Variants in SAMD9 observed in about 807,000 individuals in gnomAD.
SAMD9 encodes sterile alpha motif domain containing 9.
SAMD9 carries 3 observed loss-of-function variants against 1.5 expected under a neutral mutation model. The observed-to-expected ratio is 2.05, with a 90% CI of 0.93 to 5.29. SAMD9 has a LOEUF of 5.29. Among genes scored for constraint, SAMD9 ranks in the 30% most tolerant of loss-of-function variants. SAMD9 has a pLI of 0.02. For missense variants in SAMD9, 1,597 were observed against 1,820.8 expected, an observed-to-expected ratio of 0.88 and a Z score of 2.24; for synonymous variants, 635 against 631.9, an observed-to-expected ratio of 1.00 and a Z score of -0.07.
Position 93,106,022 on chromosome 7 carries a change from G to A in SAMD9, c.76C>T (p.His26Tyr), listed in dbSNP as rs1791638613. Residue 26 changes from histidine to tyrosine, a missense_variant, in exon 3 of 3, where the codon CAT becomes TAT. Physicochemically the swap from His to Tyr is moderately conservative, Grantham distance 83. This residue lies in a region of SAMD9 where 498 missense variants were observed against 457.4 expected (regional missense o/e 1.09). Transcript: ENST00000379958. ...TCCCTGTGTTTTTGGTCAATCTTAT[G>A]ACTTTCTAACCACTGATTTACATCC... ...KEDVNQWLESHKIDQKHREIL... is the reference protein window; with the variant it reads ...KEDVNQWLESYKIDQKHREIL... 2 of 1,594,610 alleles carry A rather than the reference G, an allele frequency of 1.3e-6. No homozygotes were observed. The highest frequency in any genetic ancestry group is 8.5e-7 in the Non-Finnish European group (1 of 1,173,834).
In SAMD9 at chr7:93,101,970, G is replaced by A. The variant is rs192527782; in HGVS notation, c.4128C>T (p.Cys1376=). Reference sequence around the variant, plus strand: ...TTTCTTTTGACTGGATTTTGACAGTGCATTGTTCTAAGAGAAAAGTATATT... The same window carrying A: ...TTTCTTTTGACTGGATTTTGACAGTACATTGTTCTAAGAGAAAAGTATATT... ...VNEYTFLLEQ[C]TVKIQSKEKL... Residue 1376 remains cysteine (C), a synonymous_variant, in exon 3 of 3, where the codon TGC becomes TGT. Coordinates refer to ENST00000379958, the MANE Select transcript of SAMD9 (RefSeq NM_017654.4). The A allele has an allele frequency of 1.7e-5, 27 of 1,613,792 alleles. No homozygotes were observed. The Admixed American group carries it at 3.3e-4, about 20-fold the overall frequency.
At chr7:93,116,097 T>C (rs953616801) in intron 1 of SAMD9, among the ~76,000 whole-genome samples, 12 of 152,184 alleles carry the variant, frequency 7.9e-5, no homozygotes, top group African/African-American at 2.9e-4. Flanking sequence ...CTCATACCTA[T>C]GGCTCTCATC....
chr7:93,115,515 C>T (rs1288548166), intron 1 of SAMD9, among the ~76,000 whole-genome samples: 1 of 152,076 alleles, frequency 6.6e-6, no homozygotes, highest in Non-Finnish European at 1.5e-5. Context: ...TCATAGAAGT[C>T]AGACTGATGT....
chr7:93,112,449 T>C (rs953257407), intron 2 of SAMD9, among the ~76,000 whole-genome samples: 4 of 152,218 alleles, frequency 2.6e-5, no homozygotes, highest in African/African-American at 9.7e-5. Flanking sequence ...TTGGAAGTTC[T>C]GGCCAGGGCA....
chr7:93,105,803 G>A lies in SAMD9; in HGVS notation c.295C>T (p.Gln99Ter). 1 of 1,614,048 alleles carries A rather than the reference G, an allele frequency of 6.2e-7. No individual in the cohort carries two copies. Among genetic ancestry groups the A allele is most frequent in the Non-Finnish European group, 8.5e-7 (1 of 1,180,000 alleles). ...CTACGTTCCTTTTGAGACACAGTTTGGTCTTTAGGAGCATTTTTACTGGGC... is the reference window on the plus strand; with the variant it reads ...CTACGTTCCTTTTGAGACACAGTTTAGTCTTTAGGAGCATTTTTACTGGGC... ...GKPSKNAPKD[Q>*]TVSQKERRET... Residue 99 changes from glutamine (Q) to a stop codon, truncating the protein, a stop_gained, in exon 3 of 3, where the codon CAA becomes TAA. Coordinates refer to ENST00000379958, the MANE Select transcript of SAMD9 (RefSeq NM_017654.4). LOFTEE classifies it low-confidence loss of function (END_TRUNC).
Position 93,102,912 on chromosome 7 carries a change from T to C in SAMD9, c.3186A>G (p.Glu1062=), listed in dbSNP as rs765948233. ...ATACAGCTTCAACTGCTTCATTTCC[T>C]TCATCTTTATGTAATGCTTCAATAA... ...SPFIEALHKD[E]GNEAVEAVLL... The change falls in exon 3 of 3, where the codon GAA becomes GAG. Residue 1062 remains glutamate, a synonymous_variant. Coordinates refer to ENST00000379958, the MANE Select transcript of SAMD9 (RefSeq NM_017654.4). 1 of 1,613,906 alleles carries C rather than the reference T, an allele frequency of 6.2e-7. No homozygotes were observed. Among genetic ancestry groups the C allele is most frequent in the East Asian group, 2.2e-5 (1 of 44,876 alleles).
intron 2 of SAMD9, 108 bp from the exon 3 acceptor site, chr7:93,106,213 G>A (rs1160032047): frequency 3.1e-6 from 2 of 638,556 alleles, no homozygotes; most frequent in Non-Finnish European, 4.9e-6. Context: ...AGCTCAAAAG[G>A]ATATGCCAAT....
At position 93,104,696 on chromosome 7, in the gene SAMD9, C is replaced by T. The variant is rs760548498; in HGVS notation, c.1402G>A (p.Val468Ile). 7.4e-6 allele frequency: 12 copies of T among 1,613,868 alleles called. No homozygotes were observed. The South Asian group carries it at 1.2e-4, about 16-fold the overall frequency. ...SRVANLHFPS[V>I]YVEQKTTPNE... ...GGTGTGGTTTTCTGTTCTACATATA[C>T]ACTTGGAAAGTGAAGGTTTGCTACT... Residue 468 changes from valine to isoleucine, a missense_variant, in exon 3 of 3, where the codon GTA (valine) becomes ATA (isoleucine). This residue lies in a region of SAMD9 where 358 missense variants were observed against 460.4 expected (regional missense o/e 0.78). Coordinates refer to ENST00000379958, the MANE Select transcript of SAMD9 (RefSeq NM_017654.4).
intron 1 of SAMD9, among the ~76,000 whole-genome samples, chr7:93,116,050 G>A (rs374998609): frequency 3.9e-5 from 6 of 152,258 alleles, no homozygotes; most frequent in African/African-American, 1.2e-4. Context: ...AGGGGTCCCC[G>A]ATTATTGTGC....
In SAMD9 at chr7:93,103,029, T is replaced by A. The variant is rs752532869; in HGVS notation, c.3069A>T (p.Gly1023=). 6 of 1,613,870 alleles carry A rather than the reference T, an allele frequency of 3.7e-6. No homozygotes were observed. The highest frequency in any genetic ancestry group is 4.2e-6 in the Non-Finnish European group (5 of 1,179,804). Residue 1023 remains glycine, a synonymous_variant, in exon 3 of 3, where the codon GGA becomes GGT. Coordinates refer to ENST00000379958, the MANE Select transcript of SAMD9 (RefSeq NM_017654.4). ...GCATATCTTGCAAAAATTTACTTTTTCCCATACCAGTATCGAAGAACAAAT... is the reference window on the plus strand; with the variant it reads ...GCATATCTTGCAAAAATTTACTTTTACCCATACCAGTATCGAAGAACAAAT... ...TENLFFDTGM[G]KSKFLQDMHT...
chr7:93,105,300 C>G lies in SAMD9; in HGVS notation c.798G>C (p.Leu266=). 1 of 1,613,956 alleles carries G rather than the reference C, an allele frequency of 6.2e-7. No homozygotes were observed. Among genetic ancestry groups the G allele is most frequent in the Non-Finnish European group, 8.5e-7 (1 of 1,179,968 alleles). Residue 266 remains leucine, a synonymous_variant, in exon 3 of 3, where the codon CTG becomes CTC. Coordinates refer to ENST00000379958, the MANE Select transcript of SAMD9 (RefSeq NM_017654.4). ...TKEALINHFN[L]MINKYFEDHQ... Reference sequence around the variant, plus strand: ...GGTCTTCAAAATACTTGTTTATCATCAGATTGAAATGGTTAATGAGGGCTT... The same window carrying G: ...GGTCTTCAAAATACTTGTTTATCATGAGATTGAAATGGTTAATGAGGGCTT...
chr7:93,102,401 A>T lies in SAMD9; in HGVS notation c.3697T>A (p.Ser1233Thr). The T allele has an allele frequency of 6.2e-7, 1 of 1,611,430 alleles. No homozygotes were observed. The highest frequency in any genetic ancestry group is 8.5e-7 in the Non-Finnish European group (1 of 1,177,788). The stretch of plus-strand genomic sequence containing the variant: ...TCCCCTGGAATATCACTACTTCCTG[A>T]TACAAAATTGACCATATATCTTTTA... Reference protein sequence around the residue: ...LSKRYMVNFVSGSSDIPGDPN... With the variant: ...LSKRYMVNFVTGSSDIPGDPN... Residue 1233 changes from serine to threonine, a missense_variant, in exon 3 of 3, where the codon TCA (serine) becomes ACA (threonine). Physicochemically the swap from Ser to Thr is moderately conservative, Grantham distance 58 (BLOSUM62 1). This residue lies in a region of SAMD9 where 682 missense variants were observed against 810.0 expected (regional missense o/e 0.84). Transcript: ENST00000379958.
In SAMD9 at chr7:93,104,369, A is replaced by G. The variant is rs1331046012; in HGVS notation, c.1729T>C (p.Cys577Arg). 6.2e-7 allele frequency: 1 copy of G among 1,613,964 alleles called. No individual in the cohort carries two copies. The highest frequency in any genetic ancestry group is 2.2e-5 in the East Asian group (1 of 44,872). Residue 577 changes from cysteine to arginine, a missense_variant, in exon 3 of 3, where the codon TGT (cysteine) becomes CGT (arginine). By Grantham distance (180) the Cys-to-Arg change is radical (BLOSUM62 -3). This residue lies in a region of SAMD9 where 358 missense variants were observed against 460.4 expected (regional missense o/e 0.78). Coordinates refer to ENST00000379958, the MANE Select transcript of SAMD9 (RefSeq NM_017654.4). The stretch of plus-strand genomic sequence containing the variant: ...CCCTGAAATATGTGTGGGTGCACAC[A>G]AATACACAGTATATTTTCCATTCCT... ...LKGMENILCI[C>R]VHPHIFQGWK...
chr7:93,105,210 A>G lies in SAMD9; in HGVS notation c.888T>C (p.Asn296=). Reference sequence around the variant, plus strand: ...TAACAAATCTGTCAGATAGAGTACTATTTGGCAGTAAAACTTCCACAAATC... The same window carrying G: ...TAACAAATCTGTCAGATAGAGTACTGTTTGGCAGTAAAACTTCCACAAATC... ...EPRFVEVLLP[N]STLSDRFVIE... The change falls in exon 3 of 3, where the codon AAT becomes AAC. Residue 296 remains asparagine, a synonymous_variant. Coordinates refer to ENST00000379958, the MANE Select transcript of SAMD9 (RefSeq NM_017654.4). The G allele has an allele frequency of 6.2e-7, 1 of 1,613,908 alleles. No individual in the cohort carries two copies.
chr7:93,103,767 T>A lies in SAMD9; in HGVS notation c.2331A>T (p.Val777=). The change falls in exon 3 of 3, where the codon GTA becomes GTT. Residue 777 remains valine (V), a synonymous_variant. Coordinates refer to ENST00000379958, the MANE Select transcript of SAMD9 (RefSeq NM_017654.4). Reference sequence around the variant, plus strand: ...TTGCCCCATAGGTGATTAAACTGGTTACCTGTTCTCCAATTTCAGAAAAAT... The same window carrying A: ...TTGCCCCATAGGTGATTAAACTGGTAACCTGTTCTCCAATTTCAGAAAAAT... The part of the protein sequence containing the change: ...TVDFSEIGEQ[V]TSLITYGAMN... 6.2e-7 allele frequency: 1 copy of A among 1,614,004 alleles called. No individual in the cohort carries two copies. Among genetic ancestry groups the A allele is most frequent in the African/African-American group, 1.3e-5 (1 of 75,044 alleles).
Position 93,104,951 on chromosome 7 carries a change from T to G in SAMD9, c.1147A>C (p.Lys383Gln). ...RKAAEEKFRA[K>Q]TNKKEREGPK... ...CCCTCTCTTTCTTTTTTATTTGTTTTTGCTCTGAATTTTTCTTCTGCTGCT... is the reference window on the plus strand; with the variant it reads ...CCCTCTCTTTCTTTTTTATTTGTTTGTGCTCTGAATTTTTCTTCTGCTGCT... The change falls in exon 3 of 3, where the codon AAA (lysine) becomes CAA (glutamine). Residue 383 changes from lysine (K) to glutamine (Q), a missense_variant. Physicochemically the swap from Lys to Gln is moderately conservative, Grantham distance 53. Transcript: ENST00000379958. 6.2e-7 allele frequency: 1 copy of G among 1,610,818 alleles called. No individual in the cohort carries two copies. Among genetic ancestry groups the G allele is most frequent in the South Asian group, 1.1e-5 (1 of 90,202 alleles).
chr7:93,112,841 A>G (rs1372757462), intron 2 of SAMD9, among the ~76,000 whole-genome samples: 5 of 152,338 alleles, frequency 3.3e-5, no homozygotes, highest in Middle Eastern at 3.4e-3. Context: ...ATGCTCATGG[A>G]TAGGAAGAAT....
intron 2 of SAMD9, among the ~76,000 whole-genome samples, chr7:93,111,298 T>A (rs1791738498): frequency 6.6e-6 from 1 of 152,216 alleles, no homozygotes; most frequent in Non-Finnish European, 1.5e-5. Context: ...CTGGGACACA[T>A]TTAAAGCAGT....
chr7:93,111,292 G>A (rs567372944), intron 2 of SAMD9, among the ~76,000 whole-genome samples: 410 of 152,344 alleles, frequency 2.7e-3, no homozygotes, highest in African/African-American at 9.1e-3. Context: ...GAATCTCTGG[G>A]ACACATTTAA....
Sources: allele counts gnomAD v4.1 joint callset (sites outside exome capture counted in the v4.1 genomes callset), GRCh38; gene constraint gnomAD v4.1.1; regional missense constraint gnomAD v4.1.1; transcripts MANE v1.5; gene names NCBI Gene and HGNC (gene_info 2026-07-23, HGNC 2026-07-21).